Variants in CAMK2G observed in about 807,000 individuals in gnomAD.
The protein encoded by CAMK2G is calcium/calmodulin-dependent protein kinase type II subunit gamma.
Under a neutral mutation model 88.7 loss-of-function variants are expected in CAMK2G, and 23 were observed. The ratio of observed to expected loss-of-function variants is 0.26; its 90% CI spans 0.19 to 0.37. CAMK2G has a LOEUF of 0.37. Ranked by LOEUF, CAMK2G falls within the 10% of genes least tolerant of loss-of-function variation. The probability of loss-of-function intolerance (pLI) is 1.00; values close to 1 mark genes in which losing one functional copy is unlikely to be tolerated. For missense variants in CAMK2G, 476 were observed against 780.8 expected, an observed-to-expected ratio of 0.61 and a Z score of 4.65; for synonymous variants, 263 against 294.8, an observed-to-expected ratio of 0.89 and a Z score of 1.11.
In CAMK2G at chr10:73,817,590, G is replaced by C. The variant is rs553576807; in HGVS notation, c.1364-36C>G. The stretch of plus-strand genomic sequence containing the variant: ...GAAAAATCCATCAATTTACCTACTG[G>C]GGAACCTCCCAAGTTACAGAGAGCC... On this transcript the variant is annotated intron_variant, in intron 19 of 22. Coordinates refer to ENST00000423381, the MANE Select transcript of CAMK2G (RefSeq NM_001367534.1). 2.1e-5 allele frequency: 30 copies of C among 1,444,148 alleles called. No homozygotes were observed. In the South Asian group the frequency reaches 3.3e-4, roughly 16 times the overall value. The allele number at this position is 1,444,148 out of a possible 1,614,324, so 89.5% of individuals were successfully genotyped here.
At chr10:73,820,402 A>G (rs77519422) in intron 18 of CAMK2G, among the ~76,000 whole-genome samples, 1,641 of 149,476 alleles carry the variant, frequency 0.011, 26 homozygotes, top group African/African-American at 0.038. Context: ...ATTCAGGCCA[A>G]AATCTTAGGA....
chr10:73,849,152 C>T (rs368160437), intron 6 of CAMK2G, 37 bp from the exon 7 acceptor site: 2 of 1,587,966 alleles, frequency 1.3e-6, no homozygotes, highest in Non-Finnish European at 1.7e-6. Flanking sequence ...TGAGCACCCA[C>T]CCTGCAGCCC....
chr10:73,821,283 G>A (rs2088600902), intron 18 of CAMK2G, among the ~76,000 whole-genome samples: 1 of 152,140 alleles, frequency 6.6e-6, no homozygotes, highest in Non-Finnish European at 1.5e-5. Context: ...AAAACCAAAA[G>A]TTCTGTGTCC....
Position 73,853,164 on chromosome 10 carries a change from C to T in CAMK2G, c.275+28G>A, listed in dbSNP as rs762330870. The T allele has an allele frequency of 1.1e-5, 17 of 1,608,410 alleles. No homozygotes were observed. The East Asian group carries it at 1.6e-4, about 15-fold the overall frequency. On this transcript the variant is annotated intron_variant, in intron 4 of 22. Coordinates refer to ENST00000423381, the MANE Select transcript of CAMK2G (RefSeq NM_001367534.1). ...TTTTGAGTCAGCTAGAGGGAAAGGCCCCCACACCCTCAGAAAGTGGCACTT... is the reference window on the plus strand; with the variant it reads ...TTTTGAGTCAGCTAGAGGGAAAGGCTCCCACACCCTCAGAAAGTGGCACTT...
At position 73,819,613 on chromosome 10, in the gene CAMK2G, C is replaced by T. The variant is rs1399162957; in HGVS notation, c.1282G>A (p.Val428Met). The T allele has an allele frequency of 6.5e-7, 1 of 1,546,344 alleles. No homozygotes were observed. Among genetic ancestry groups the T allele is most frequent in the Non-Finnish European group, 8.7e-7 (1 of 1,146,848 alleles). ...APLRTGNGSS[V>M]PEGRSSRDRT... ...TCCCGGGAGCTCCGTCCTTCAGGCACCGAGCTGCCATTCCCAGTGCGGAGC... is the reference window on the plus strand; with the variant it reads ...TCCCGGGAGCTCCGTCCTTCAGGCATCGAGCTGCCATTCCCAGTGCGGAGC... Residue 428 changes from valine to methionine, a missense_variant, in exon 19 of 23, where the codon GTG becomes ATG. Val to Met is a conservative substitution (Grantham distance 21, BLOSUM62 1). Transcript: ENST00000423381.
intron 14 of CAMK2G, among the ~76,000 whole-genome samples, chr10:73,831,408 C>T (rs1184851866): frequency 4.0e-5 from 6 of 151,640 alleles, no homozygotes; most frequent in East Asian, 1.9e-4. Context: ...TGTGGTGGCA[C>T]GCGCCTGTAG....
intron 14 of CAMK2G, among the ~76,000 whole-genome samples, chr10:73,831,917 CTCTTT>C (rs777797684): frequency 6.6e-6 from 1 of 151,900 alleles, no homozygotes; most frequent in African/African-American, 2.4e-5. Flanking sequence ...CATGTCTTAC[CTCTTT>C]TCTTTTTTTT....
intron 14 of CAMK2G, among the ~76,000 whole-genome samples, chr10:73,833,119 C>G (rs2092715878): frequency 6.6e-6 from 1 of 151,336 alleles, no homozygotes; most frequent in Non-Finnish European, 1.5e-5. Flanking sequence ...TTCCACCACA[C>G]TCAGCTAATT....
chr10:73,831,971 A>AATTTC (rs937011974), intron 14 of CAMK2G, among the ~76,000 whole-genome samples: 2 of 151,880 alleles, frequency 1.3e-5, no homozygotes, highest in Admixed American at 1.3e-4. Context: ...GCCCAGGCTG[A>AATTTC]ACCTCCTGGG....
intron 17 of CAMK2G, 34 bp from the exon 18 acceptor site, chr10:73,821,764 C>T (rs750592046): frequency 2.5e-6 from 4 of 1,576,526 alleles, no homozygotes; most frequent in Non-Finnish European, 3.5e-6. Flanking sequence ...TCTATATGCT[C>T]CATCCCTTGG....
At chr10:73,831,115 G>A (rs986179150) in intron 14 of CAMK2G, among the ~76,000 whole-genome samples, 2 of 152,152 alleles carry the variant, frequency 1.3e-5, no homozygotes, top group East Asian at 1.9e-4. Context: ...CTTTGATGCA[G>A]CCACAACATA....
Position 73,839,613 on chromosome 10 carries a change from C to G in CAMK2G, c.947-12G>C, listed in dbSNP as rs1056063169. The G allele has an allele frequency of 9.8e-6, 12 of 1,226,276 alleles. No individual in the cohort carries two copies. Among genetic ancestry groups the G allele is most frequent in the Non-Finnish European group, 1.2e-5 (12 of 981,218 alleles). The allele number at this position is 1,226,276 out of a possible 1,614,324, so 76.0% of individuals were successfully genotyped here. A position where few individuals can be genotyped will look rare whatever the true frequency, so the allele number is the denominator to read the frequency against. ...GCTCTGCCTGCCAACTGAGGGGATA[C>G]AGTCTCTCAGTGCACAGAGCCCCGC... is the stretch of plus-strand genomic sequence containing the variant. On this transcript the variant is annotated splice_polypyrimidine_tract_variant and intron_variant, in intron 12 of 22. Coordinates refer to ENST00000423381, the MANE Select transcript of CAMK2G (RefSeq NM_001367534.1). This position sits in a 1 kb window ranked among gnomAD's most constrained non-coding sequence, Gnocchi z 4.2.
intron 12 of CAMK2G, among the ~76,000 whole-genome samples, chr10:73,840,650 G>A (rs1590501859): frequency 6.6e-6 from 1 of 152,368 alleles, no homozygotes; most frequent in South Asian, 2.1e-4. Flanking sequence ...AAACCAGGAT[G>A]CCAGTTTCCT....
At chr10:73,874,127 G>A (rs2095983755) in intron 1 of CAMK2G, among the ~76,000 whole-genome samples, 1 of 150,766 alleles carries the variant, frequency 6.6e-6, no homozygotes, top group African/African-American at 2.4e-5. Context: ...GGAGGGGCGG[G>A]GCTGGAGGGC....
chr10:73,828,032 C>G, intron 15 of CAMK2G, 57 bp downstream of exon 15: 2 of 1,439,120 alleles, frequency 1.4e-6, no homozygotes, highest in Non-Finnish European at 2.0e-6. Flanking sequence ...GTTTGCGTGG[C>G]TGGCAGGCGG....
At position 73,824,087 on chromosome 10, in the gene CAMK2G, G is replaced by GT; in HGVS notation, c.1156-4dup. On this transcript the variant is annotated splice_polypyrimidine_tract_variant and splice_region_variant and intron_variant, in intron 16 of 22. Coordinates refer to ENST00000423381, the MANE Select transcript of CAMK2G (RefSeq NM_001367534.1). ...TGTACCACAGTGGTTTGTGGCTCCTGTGAGAGAAGATGAAGATTACCCTTC... is the reference window on the plus strand; with the variant it reads ...TGTACCACAGTGGTTTGTGGCTCCTGTTGAGAGAAGATGAAGATTACCCTTC... 6.2e-7 allele frequency: 1 copy of GT among 1,612,078 alleles called. No individual in the cohort carries two copies. The highest frequency in any genetic ancestry group is 8.5e-7 in the Non-Finnish European group (1 of 1,178,152).
At chr10:73,863,577 T>C (rs1216404100) in intron 2 of CAMK2G, among the ~76,000 whole-genome samples, 1 of 152,202 alleles carries the variant, frequency 6.6e-6, no homozygotes, top group Non-Finnish European at 1.5e-5. Context: ...CTTGGTTGCC[T>C]GGGCAGGTGC....
chr10:73,827,382 T>A (rs1191376175), intron 15 of CAMK2G, among the ~76,000 whole-genome samples: 1 of 152,174 alleles, frequency 6.6e-6, no homozygotes, highest in Non-Finnish European at 1.5e-5. Flanking sequence ...GAGACAGGGT[T>A]TCACCGTGTT....
chr10:73,854,980 C>G lies in CAMK2G; in HGVS notation c.221-1734G>C, dbSNP rs139484560. On this transcript the variant is annotated intron_variant, in intron 3 of 22. Coordinates refer to ENST00000423381, the MANE Select transcript of CAMK2G (RefSeq NM_001367534.1). ...CAAAGGCAGGTGATACTTCCAATAT[C>G]CCTCCCATTATTGGATATAATGTAT... Among the ~76,000 whole-genome samples, 833 of 152,230 alleles carry G rather than the reference C, an allele frequency of 5.5e-3. 10 individuals carry two copies. Among genetic ancestry groups the G allele is most frequent in the African/African-American group, 0.019 (800 of 41,524 alleles).
Sources: gnomAD v4.1 joint callset for allele counts (sites outside exome capture counted in the v4.1 genomes callset) on GRCh38, gnomAD v4.1.1 for gene constraint, Gnocchi (gnomAD v3.1) non-coding constraint, MANE v1.5 for transcripts, NCBI Gene and HGNC (gene_info 2026-07-23, HGNC 2026-07-21) for gene names.